Variants in XKR6 observed in about 807,000 individuals in gnomAD.
XKR6 encodes the protein XK-related protein 6.
Under a neutral mutation model 56.7 loss-of-function variants are expected in XKR6, and 22 were observed. The observed-to-expected ratio is 0.39, with a 90% confidence interval of 0.28 to 0.55. XKR6 has a LOEUF of 0.55. XKR6 is among the 20% of genes least tolerant of loss of function. The pLI is 0.66. For synonymous variants in XKR6, 524 were observed against 387.8 expected (o/e 1.35, Z -4.13); for missense variants, 852 against 889.0 (o/e 0.96, Z 0.53).
At chr8:10,942,124 G>A (rs757248027) in intron 1 of XKR6, among the ~76,000 whole-genome samples, 2 of 151,866 alleles carry the variant, frequency 1.3e-5, no homozygotes, top group Admixed American at 6.6e-5. Flanking sequence ...ACACACAACC[G>A]CACCCATACA....
intron 1 of XKR6, among the ~76,000 whole-genome samples, chr8:11,136,009 T>C (rs2116914447): frequency 6.6e-6 from 1 of 152,354 alleles, no homozygotes; most frequent in African/African-American, 2.4e-5. Flanking sequence ...AGAGGCATTC[T>C]TTTATCTATG....
Position 10,906,817 on chromosome 8 carries a change from A to T in XKR6, c.962-7901T>A, listed in dbSNP as rs1017060982. ...GGGAGGCTGAGGCAGGTGGATCACA[A>T]GGTCAGGAGATTGAGACCATCCTAT... On this transcript the variant is annotated intron_variant, in intron 2 of 2. Transcript: ENST00000416569. Among the ~76,000 whole-genome samples the T allele has an allele frequency of 2.6e-5, 4 of 152,198 alleles. No individual in the cohort carries two copies. In the East Asian group the frequency reaches 7.7e-4, roughly 29 times the overall value.
At chr8:11,091,567 C>G (rs1798075186) in intron 1 of XKR6, among the ~76,000 whole-genome samples, 1 of 152,102 alleles carries the variant, frequency 6.6e-6, no homozygotes, top group South Asian at 2.1e-4. Flanking sequence ...TGTGTCCAGG[C>G]TAGGGGGTCC....
chr8:11,131,474 C>T (rs1290215924), intron 1 of XKR6, among the ~76,000 whole-genome samples: 2 of 152,118 alleles, frequency 1.3e-5, no homozygotes, highest in African/African-American at 4.8e-5. Context: ...CATACTTAAA[C>T]TTCATGATGT....
chr8:11,134,698 G>C (rs1454644374), intron 1 of XKR6, among the ~76,000 whole-genome samples: 1 of 148,898 alleles, frequency 6.7e-6, no homozygotes, highest in Non-Finnish European at 1.5e-5. Flanking sequence ...ATACACACAC[G>C]CACACACACA....
intron 1 of XKR6, among the ~76,000 whole-genome samples, chr8:11,095,170 T>C (rs1798227118): frequency 6.6e-6 from 1 of 152,192 alleles, no homozygotes; most frequent in African/African-American, 2.4e-5. Flanking sequence ...ATGAGTAGCG[T>C]TCAAGTTTGT....
chr8:11,146,619 C>T (rs1179366749), intron 1 of XKR6, among the ~76,000 whole-genome samples: 1 of 141,960 alleles, frequency 7.0e-6, no homozygotes, highest in South Asian at 2.2e-4. Context: ...GAGTGAGACC[C>T]TGTCAAAAAA....
At chr8:11,166,917 G>A (rs1802105513) in intron 1 of XKR6, among the ~76,000 whole-genome samples, 1 of 152,144 alleles carries the variant, frequency 6.6e-6, no homozygotes, top group Admixed American at 6.5e-5. Context: ...CTAGTATTCA[G>A]CTAATAACTA....
intron 2 of XKR6, among the ~76,000 whole-genome samples, chr8:10,900,772 T>G (rs936678652): frequency 6.5e-4 from 99 of 151,860 alleles, no homozygotes; most frequent in African/African-American, 2.3e-3. Context: ...TCACATTGTC[T>G]GTTAGGGTGC....
At chr8:10,993,306 T>C (rs1325919993) in intron 1 of XKR6, among the ~76,000 whole-genome samples, 2 of 152,186 alleles carry the variant, frequency 1.3e-5, no homozygotes, top group Non-Finnish European at 2.9e-5. Context: ...GCAGCGGCCC[T>C]GCAGTCAGGA....
intron 1 of XKR6, chr8:11,124,040 C>A (rs1274101085): frequency 2.2e-6 from 1 of 455,966 alleles, no homozygotes; most frequent in Non-Finnish European, 4.4e-6. Context: ...AATCTCTAGG[C>A]CCCTCCTGTC....
In XKR6 at chr8:10,924,674, G is replaced by C. The variant is rs1402430881; in HGVS notation, c.921C>G (p.Leu307=). ...LESAPQLVLQ[L]YIMLQKNSAE... is the part of the protein sequence containing the mutation. The stretch of plus-strand genomic sequence containing the variant: ...CGCTGTTCTTCTGGAGCATGATGTA[G>C]AGCTGTAGCACCAGTTGGGGCGCGC... Residue 307 remains leucine (L), a synonymous_variant, in exon 2 of 3, where the codon CTC becomes CTG. Transcript: ENST00000416569. The C allele has an allele frequency of 7.4e-6, 12 of 1,612,776 alleles. No homozygotes were observed. Among genetic ancestry groups the C allele is most frequent in the African/African-American group, 2.7e-5 (2 of 74,896 alleles).
chr8:11,060,449 G>T (rs1010234967), intron 1 of XKR6, among the ~76,000 whole-genome samples: 2 of 152,146 alleles, frequency 1.3e-5, no homozygotes, highest in Non-Finnish European at 2.9e-5. Flanking sequence ...GGCGCCACCC[G>T]CCGGGAACTA....
At chr8:10,902,480 C>T (rs1217634930) in intron 2 of XKR6, among the ~76,000 whole-genome samples, 4 of 152,134 alleles carry the variant, frequency 2.6e-5, no homozygotes, top group Admixed American at 6.5e-5. Context: ...TGCCATGTCG[C>T]GCTGCTCCCA....
At chr8:11,132,814 T>A (rs532045477) in intron 1 of XKR6, among the ~76,000 whole-genome samples, 1 of 151,608 alleles carries the variant, frequency 6.6e-6, no homozygotes, top group Non-Finnish European at 1.5e-5. Context: ...GAAGACTTTT[T>A]TTATTACTTA....
chr8:11,201,351 T>A lies in XKR6; in HGVS notation c.-12A>T, dbSNP rs777421822. The A allele has an allele frequency of 3.4e-4, 311 of 909,696 alleles. No individual in the cohort carries two copies. The highest frequency in any genetic ancestry group is 4.6e-4 in the Non-Finnish European group (301 of 658,596). 56.4% of individuals were successfully genotyped at this position (909,696 alleles called of 1,614,324 possible). A position where few individuals can be genotyped will look rare whatever the true frequency, so the allele number is the denominator to read the frequency against. On this transcript the variant is annotated 5_prime_UTR_variant, in exon 1 of 3. Transcript: ENST00000416569. ...GATTTCGCCGCCATCTTGACTCTCTTCCCAGCTCCGGAGGTTGGGGGGGAG... is the reference window on the plus strand; with the variant it reads ...GATTTCGCCGCCATCTTGACTCTCTACCCAGCTCCGGAGGTTGGGGGGGAG...
chr8:10,988,885 C>T (rs1797924707), intron 1 of XKR6, among the ~76,000 whole-genome samples: 1 of 152,210 alleles, frequency 6.6e-6, no homozygotes, highest in Non-Finnish European at 1.5e-5. Flanking sequence ...TGTCCGGTGG[C>T]TTGTGGAACG....
At chr8:11,146,425 A>G (rs972268336) in intron 1 of XKR6, among the ~76,000 whole-genome samples, 3 of 152,228 alleles carry the variant, frequency 2.0e-5, no homozygotes, top group African/African-American at 7.2e-5. Flanking sequence ...CAGGAGTTCA[A>G]TACCAGCTTG....
chr8:11,057,523 C>T (rs780513756), intron 1 of XKR6, among the ~76,000 whole-genome samples: 3 of 152,226 alleles, frequency 2.0e-5, no homozygotes, highest in East Asian at 3.8e-4. Context: ...CACGACAACA[C>T]GCTGAGGTAA....
Sources: gnomAD v4.1 joint callset for allele counts (sites outside exome capture counted in the v4.1 genomes callset) on GRCh38, gnomAD v4.1.1 for gene constraint, MANE v1.5 for transcripts, NCBI Gene and HGNC (gene_info 2026-07-23, HGNC 2026-07-21) for gene names.